Variants in ZFR2 observed in about 807,000 individuals in gnomAD.
ZFR2 encodes zinc finger RNA binding protein 2.
ZFR2 carries 104 observed loss-of-function variants against 105.7 expected under a neutral mutation model. The ratio of observed to expected loss-of-function variants is 0.98; its 90% CI spans 0.84 to 1.16. ZFR2 has a LOEUF of 1.16. Among genes scored for constraint, ZFR2 ranks in the 50% most tolerant of loss-of-function variants. The pLI is 0.00. For synonymous variants in ZFR2, 634 were observed against 597.7 expected, an observed-to-expected ratio of 1.06 and a Z score of -0.89; for missense variants, 1,425 against 1,355.5, an observed-to-expected ratio of 1.05 and a Z score of -0.80.
At chr19:3,835,517 T>C (rs1174465406) in intron 1 of ZFR2, among the ~76,000 whole-genome samples, 1 of 149,184 alleles carries the variant, frequency 6.7e-6, no homozygotes, top group Non-Finnish European at 1.5e-5. Context: ...GTATTTTTAG[T>C]AGAGACAGGA....
chr19:3,819,967 G>A (rs901078090), intron 11 of ZFR2, among the ~76,000 whole-genome samples: 4 of 152,192 alleles, frequency 2.6e-5, no homozygotes, highest in African/African-American at 9.6e-5. Flanking sequence ...GCGACCACCC[G>A]GGGCTCCAGG....
chr19:3,824,338 G>A (rs1256030539), intron 7 of ZFR2, among the ~76,000 whole-genome samples: 2 of 152,198 alleles, frequency 1.3e-5, no homozygotes, highest in Admixed American at 6.5e-5. Context: ...AAGAGTTGTC[G>A]TGGAGGTAAA....
intron 9 of ZFR2, among the ~76,000 whole-genome samples, chr19:3,821,705 C>G (rs1019974040): frequency 9.9e-5 from 15 of 151,018 alleles, no homozygotes; most frequent in African/African-American, 3.4e-4. Context: ...CCTCCGCCTC[C>G]CGGGTTCAAG....
rs748533761 is a variant in ZFR2 at position 3,831,444 on chromosome 19, G to T, written c.711C>A (p.Pro237=). The T allele has an allele frequency of 6.5e-7, 1 of 1,550,332 alleles. No homozygotes were observed. Among genetic ancestry groups the T allele is most frequent in the East Asian group, 2.4e-5 (1 of 41,080 alleles). The change falls in exon 5 of 19, where the codon CCC becomes CCA. Residue 237 remains proline (P), a synonymous_variant. Transcript: ENST00000262961. ...PGPPQQLPPP[P]APAGSGSSPR... ...GGCTGCTTCCTGAGCCTGCAGGCGC[G>T]GGCGGCGGGGGCAGCTGCTGCGGGG...
At chr19:3,822,236 G>T in intron 8 of ZFR2, 36 bp from the exon 9 acceptor site, 1 of 1,550,860 alleles carries the variant, frequency 6.4e-7, no homozygotes, top group African/African-American at 1.4e-5. Context: ...CACCAGGCAC[G>T]AGGCGGGGTG....
intron 1 of ZFR2, among the ~76,000 whole-genome samples, chr19:3,865,126 G>A (rs910441779): frequency 1.3e-5 from 2 of 152,090 alleles, no homozygotes; most frequent in African/African-American, 4.8e-5. Flanking sequence ...AAGACCTGCA[G>A]CACTAATTCA....
chr19:3,833,453 G>A (rs1258233205), intron 3 of ZFR2: 1 of 432,208 alleles, frequency 2.3e-6, no homozygotes. Flanking sequence ...GCAGGCACTT[G>A]TAGTCCCAGC....
At chr19:3,861,561 G>C (rs1342899005) in intron 1 of ZFR2, among the ~76,000 whole-genome samples, 1 of 152,148 alleles carries the variant, frequency 6.6e-6, no homozygotes, top group Non-Finnish European at 1.5e-5. Context: ...AGGAGGTTGA[G>C]GCTGCATTAA....
intron 16 of ZFR2, 43 bp from the exon 17 acceptor site, chr19:3,809,026 G>A: frequency 2.1e-6 from 3 of 1,459,866 alleles, no homozygotes; most frequent in Non-Finnish European, 2.7e-6. Context: ...TGGGCGCGCG[G>A]CAGCCCCTGC....
At chr19:3,826,707 G>C (rs559623337) in intron 6 of ZFR2, among the ~76,000 whole-genome samples, 1 of 151,902 alleles carries the variant, frequency 6.6e-6, no homozygotes, top group Non-Finnish European at 1.5e-5. Context: ...CAAAGTGCCG[G>C]GATTACAGGC....
chr19:3,806,572 T>G (rs938347276), intron 18 of ZFR2, among the ~76,000 whole-genome samples: 1 of 152,220 alleles, frequency 6.6e-6, no homozygotes, highest in Non-Finnish European at 1.5e-5. Context: ...CACCGCTTCT[T>G]ACGACTGCGG....
chr19:3,819,074 G>T lies in ZFR2; in HGVS notation c.1902C>A (p.Gly634=). The T allele has an allele frequency of 6.2e-7, 1 of 1,612,412 alleles. No individual in the cohort carries two copies. Among genetic ancestry groups the T allele is most frequent in the Non-Finnish European group, 8.5e-7 (1 of 1,179,788 alleles). ...GCTTGTCACCCTCTTCCTCTCGGCG[G>T]CCCCGGTCCTCCTCGGCCAGTGTGT... The part of the protein sequence containing the change: ...VSDTLAEEDR[G]RREEEGDKRS... The change falls in exon 12 of 19, where the codon GGC becomes GGA. Residue 634 remains glycine (G), a synonymous_variant. Coordinates refer to ENST00000262961, the MANE Select transcript of ZFR2 (RefSeq NM_015174.2).
intron 8 of ZFR2, among the ~76,000 whole-genome samples, chr19:3,822,993 T>C (rs2037911647): frequency 6.6e-6 from 1 of 152,208 alleles, no homozygotes; most frequent in South Asian, 2.1e-4. Flanking sequence ...CAGGGTCCCC[T>C]GTTGGGAATG....
intron 1 of ZFR2, among the ~76,000 whole-genome samples, chr19:3,846,938 G>T (rs62132987): frequency 0.15 from 22,824 of 152,200 alleles, 2,071 homozygotes; most frequent in East Asian, 0.26. Context: ...AATTTGGGAC[G>T]GGCTTCGGGC....
intron 1 of ZFR2, among the ~76,000 whole-genome samples, chr19:3,853,489 T>C (rs1438809232): frequency 6.6e-6 from 1 of 151,890 alleles, no homozygotes. Flanking sequence ...ATTATATATA[T>C]TTTGCCACCA....
In ZFR2 at chr19:3,859,804, T is replaced by C. The variant is rs144348310; in HGVS notation, c.53+9161A>G. The stretch of plus-strand genomic sequence containing the variant: ...CACACACACCCAGAATTTCATTTTG[T>C]GGCACTTCTGTTCACAGGGGTTTTA... On this transcript the variant is annotated intron_variant, in intron 1 of 18. Transcript: ENST00000262961. 3.6e-3 allele frequency among the ~76,000 whole-genome samples: 547 copies of C among 152,380 alleles called. 3 individuals are homozygous for C. Among genetic ancestry groups the C allele is most frequent in the African/African-American group, 0.013 (533 of 41,600 alleles).
chr19:3,831,961 G>A, intron 3 of ZFR2, 83 bp from the exon 4 acceptor site: 1 of 1,186,732 alleles, frequency 8.4e-7, no homozygotes, highest in South Asian at 1.7e-5. Flanking sequence ...GACTCAACTG[G>A]CTGGAACACG....
At chr19:3,821,235 G>T in intron 10 of ZFR2, 105 bp downstream of exon 10, 1 of 1,374,032 alleles carries the variant, frequency 7.3e-7, no homozygotes, top group Non-Finnish European at 9.5e-7. Context: ...CTGCTCGAGA[G>T]CTCACACGGA....
chr19:3,828,188 A>G (rs991871609), intron 5 of ZFR2, among the ~76,000 whole-genome samples: 23 of 147,062 alleles, frequency 1.6e-4, no homozygotes, highest in African/African-American at 5.8e-4. Flanking sequence ...TCTGTCACCC[A>G]GGCTGGAGTG....
Sources: allele counts gnomAD v4.1 joint callset (sites outside exome capture counted in the v4.1 genomes callset), GRCh38; gene constraint gnomAD v4.1.1; transcripts MANE v1.5; gene names NCBI Gene and HGNC (gene_info 2026-07-23, HGNC 2026-07-21).